Variants in PEPD observed in about 807,000 individuals in gnomAD.
PEPD encodes xaa-Pro dipeptidase.
Under a neutral mutation model 60.7 loss-of-function variants are expected in PEPD, and 53 were observed. That is an observed-to-expected ratio of 0.87 (90% CI 0.70 to 1.10). PEPD has a LOEUF of 1.10. Ranked by LOEUF, PEPD falls within the 50% of genes least tolerant of loss-of-function variation. The probability of loss-of-function intolerance (pLI) is 0.00; values close to 1 mark genes in which losing one functional copy is unlikely to be tolerated. For missense variants in PEPD, 711 were observed against 711.9 expected, an observed-to-expected ratio of 1.00 and a Z score of 0.01; for synonymous variants, 267 against 284.1, an observed-to-expected ratio of 0.94 and a Z score of 0.60.
chr19:33,391,064 C>A (rs1968206043), intron 13 of PEPD, among the ~76,000 whole-genome samples: 1 of 152,140 alleles, frequency 6.6e-6, no homozygotes, highest in South Asian at 2.1e-4. Flanking sequence ...AGCAGGCAGA[C>A]AGCACCGCCT....
Position 33,511,174 on chromosome 19 carries a change from C to A in PEPD, c.202-19G>T. ...AGGACTCCTGTGGCGGGAACAAGAA[C>A]TATTGTTAGCCAGTGGAACATGAGG... is the stretch of plus-strand genomic sequence containing the variant. On this transcript the variant is annotated intron_variant, in intron 2 of 14. Coordinates refer to ENST00000244137, the MANE Select transcript of PEPD (RefSeq NM_000285.4). 1 of 1,613,564 alleles carries A rather than the reference C, an allele frequency of 6.2e-7. No homozygotes were observed. The highest frequency in any genetic ancestry group is 1.6e-4 in the Middle Eastern group (1 of 6,062).
At chr19:33,399,657 C>T (rs971702038) in intron 12 of PEPD, among the ~76,000 whole-genome samples, 4 of 152,186 alleles carry the variant, frequency 2.6e-5, no homozygotes, top group African/African-American at 4.8e-5. Flanking sequence ...CTTGGGCCGG[C>T]GATCGAGGCT....
chr19:33,406,123 G>A (rs1374365517), intron 11 of PEPD, among the ~76,000 whole-genome samples: 1 of 152,242 alleles, frequency 6.6e-6, no homozygotes, highest in African/African-American at 2.4e-5. Context: ...GGTGAGGCCC[G>A]GGCGTCAGGG....
chr19:33,489,371 G>A (rs1216364962), intron 6 of PEPD, among the ~76,000 whole-genome samples: 1 of 152,210 alleles, frequency 6.6e-6, no homozygotes, highest in Non-Finnish European at 1.5e-5. Flanking sequence ...TCTCACATCT[G>A]TAATCCCAGC....
chr19:33,452,292 A>G (rs531331548), intron 9 of PEPD, among the ~76,000 whole-genome samples: 1 of 152,358 alleles, frequency 6.6e-6, no homozygotes, highest in South Asian at 2.1e-4. Flanking sequence ...TAGACATACC[A>G]GGATATAGCT....
At chr19:33,453,664 G>A (rs907922387) in intron 9 of PEPD, among the ~76,000 whole-genome samples, 1 of 152,214 alleles carries the variant, frequency 6.6e-6, no homozygotes, top group African/African-American at 2.4e-5. Flanking sequence ...TAGGAAACAC[G>A]AAAATTTCCA....
chr19:33,447,356 G>A (rs766137563), intron 9 of PEPD, among the ~76,000 whole-genome samples: 7 of 152,232 alleles, frequency 4.6e-5, no homozygotes, highest in Non-Finnish European at 8.8e-5. Context: ...TTTCTAACAA[G>A]AGGGTGGAAT....
intron 7 of PEPD, among the ~76,000 whole-genome samples, chr19:33,477,544 G>A (rs1325653009): frequency 1.3e-5 from 2 of 152,214 alleles, no homozygotes; most frequent in East Asian, 1.9e-4. Flanking sequence ...CAGAGGTGGC[G>A]CCCAGCATAA....
At chr19:33,494,175 G>T (rs1311246205) in intron 4 of PEPD, among the ~76,000 whole-genome samples, 2 of 151,970 alleles carry the variant, frequency 1.3e-5, no homozygotes, top group Admixed American at 1.3e-4. Flanking sequence ...CCTGCATCTT[G>T]GCTACTGCAG....
At chr19:33,460,848 G>A (rs577600244) in intron 9 of PEPD, among the ~76,000 whole-genome samples, 6 of 152,254 alleles carry the variant, frequency 3.9e-5, no homozygotes, top group South Asian at 4.1e-4. Context: ...TCTGGTCCAC[G>A]CAGGAGGCGG....
chr19:33,476,831 T>A (rs754024318), intron 7 of PEPD, among the ~76,000 whole-genome samples: 3 of 151,968 alleles, frequency 2.0e-5, no homozygotes, highest in Middle Eastern at 3.2e-3. Context: ...GCCCTGCTAA[T>A]TTTTGGTATT....
chr19:33,480,254 C>T (rs1251311104), intron 6 of PEPD, among the ~76,000 whole-genome samples: 2 of 152,104 alleles, frequency 1.3e-5, no homozygotes, highest in Non-Finnish European at 2.9e-5. Context: ...AATGGCTATA[C>T]TAACATCAGA....
intron 11 of PEPD, among the ~76,000 whole-genome samples, chr19:33,411,198 G>A (rs541399146): frequency 6.6e-6 from 1 of 152,310 alleles, no homozygotes; most frequent in East Asian, 1.9e-4. Flanking sequence ...CTTGCTGAAC[G>A]CAGGGCCGCA....
chr19:33,472,586 T>C (rs1289353178), intron 7 of PEPD, among the ~76,000 whole-genome samples: 1 of 152,202 alleles, frequency 6.6e-6, no homozygotes, highest in Non-Finnish European at 1.5e-5. Flanking sequence ...TGCAACCTTA[T>C]TTTTTTCCTT....
intron 9 of PEPD, among the ~76,000 whole-genome samples, chr19:33,451,058 G>A (rs75105978): frequency 0.011 from 1,686 of 152,266 alleles, 26 homozygotes; most frequent in South Asian, 0.071. Flanking sequence ...CTGCAAAACC[G>A]CCCTGAGCTG....
chr19:33,438,594 C>A (rs1969424256), intron 9 of PEPD, among the ~76,000 whole-genome samples: 1 of 152,228 alleles, frequency 6.6e-6, no homozygotes, highest in Admixed American at 6.5e-5. Flanking sequence ...CTGCTGGAAG[C>A]CGACAGCCCA....
At chr19:33,515,019 C>T (rs77650853) in intron 1 of PEPD, among the ~76,000 whole-genome samples, 1,778 of 152,282 alleles carry the variant, frequency 0.012, 31 homozygotes, top group South Asian at 0.072. Context: ...CCAACCTAAA[C>T]GCAGCGGGTG....
In PEPD at chr19:33,443,300, C is replaced by T. The variant is rs74747510; in HGVS notation, c.671+19695G>A. ...TTCCCTCGTATGGCTAGACTGCACA[C>T]CACACTTTATTTATCCGTGTAGGAG... On this transcript the variant is annotated intron_variant, in intron 9 of 14. Coordinates refer to ENST00000244137, the MANE Select transcript of PEPD (RefSeq NM_000285.4). 5.9e-3 allele frequency among the ~76,000 whole-genome samples: 905 copies of T among 152,332 alleles called. 10 individuals carry two copies. Among genetic ancestry groups the T allele is most frequent in the African/African-American group, 0.02 (834 of 41,574 alleles).
chr19:33,411,629 C>T (rs1328293302), intron 11 of PEPD, 43 bp downstream of exon 11: 2 of 1,138,326 alleles, frequency 1.8e-6, no homozygotes, highest in Non-Finnish European at 2.7e-6. Context: ...CAACCTTGGC[C>T]TGGCTGTTCA....
Sources: allele counts gnomAD v4.1 joint callset (sites outside exome capture counted in the v4.1 genomes callset), GRCh38; gene constraint gnomAD v4.1.1; transcripts MANE v1.5; gene names NCBI Gene and HGNC (gene_info 2026-07-23, HGNC 2026-07-21).